Variants in NAA60 observed in about 807,000 individuals in gnomAD.
NAA60 encodes the protein N-alpha-acetyltransferase 60, NatF catalytic subunit.
In NAA60, 8 loss-of-function variants were observed where a neutral mutation model predicts 26.1. That is an observed-to-expected ratio of 0.31 (90% confidence interval 0.18 to 0.55). NAA60 has a LOEUF of 0.55. NAA60 is among the 20% of genes least tolerant of loss of function. The pLI is 0.93. For missense variants in NAA60, 290 were observed against 311.3 expected, an observed-to-expected ratio of 0.93 and a Z score of 0.51; for synonymous variants, 131 against 122.5, an observed-to-expected ratio of 1.07 and a Z score of -0.46.
At position 3,476,349 on chromosome 16, in the gene NAA60, G is replaced by A. The variant is rs376649126; in HGVS notation, c.110+12G>A. The A allele has an allele frequency of 3.4e-5, 55 of 1,609,046 alleles. No homozygotes were observed. In the Admixed American group the frequency reaches 4.5e-4, roughly 13 times the overall value. On this transcript the variant is annotated intron_variant, in intron 3 of 7. Transcript: ENST00000407558. ...TGGTTCCCCATCGAGTAAGTGGAGC[G>A]GATTGCAGGGTTGGGGAGAGCCCGT...
chr16:3,473,454 C>T (rs969913653), intron 2 of NAA60, among the ~76,000 whole-genome samples: 8 of 152,148 alleles, frequency 5.3e-5, no homozygotes, highest in Admixed American at 4.6e-4. Context: ...TTATTCACTA[C>T]CACAAGAACA....
At chr16:3,463,010 G>C (rs2035509736) in intron 2 of NAA60, among the ~76,000 whole-genome samples, 1 of 152,170 alleles carries the variant, frequency 6.6e-6, no homozygotes, top group African/African-American at 2.4e-5. Context: ...AATACAGGCT[G>C]CTTGGCCTCC....
intron 4 of NAA60, among the ~76,000 whole-genome samples, chr16:3,481,573 C>T (rs2036839463): frequency 6.6e-6 from 1 of 152,188 alleles, no homozygotes; most frequent in African/African-American, 2.4e-5. Flanking sequence ...CATGGGGACC[C>T]TTTGGCTCAT....
intron 2 of NAA60, chr16:3,457,889 T>A: frequency 9.9e-6 from 8 of 807,440 alleles, no homozygotes; most frequent in Non-Finnish European, 1.2e-5. Context: ...ATCCTGGGCC[T>A]GGCTTCGCAC....
intron 2 of NAA60, among the ~76,000 whole-genome samples, chr16:3,451,683 C>A (rs1417678490): frequency 6.6e-6 from 1 of 151,774 alleles, no homozygotes; most frequent in Non-Finnish European, 1.5e-5. Flanking sequence ...TTTGGGAGGC[C>A]AAGGTGGGTG....
At chr16:3,447,290 G>T (rs910046542) in intron 1 of NAA60, among the ~76,000 whole-genome samples, 1 of 152,206 alleles carries the variant, frequency 6.6e-6, no homozygotes, top group African/African-American at 2.4e-5. Context: ...CGTTAAAATG[G>T]TAGTGGTAGT....
chr16:3,454,139 G>T (rs2034887769), intron 2 of NAA60, among the ~76,000 whole-genome samples: 1 of 152,250 alleles, frequency 6.6e-6, no homozygotes, highest in African/African-American at 2.4e-5. Context: ...GGCTGACCGT[G>T]TAGATGGTAG....
intron 2 of NAA60, among the ~76,000 whole-genome samples, chr16:3,462,377 T>A (rs1010277565): frequency 6.6e-6 from 1 of 152,112 alleles, no homozygotes; most frequent in African/African-American, 2.4e-5. Flanking sequence ...TGTTCATGGG[T>A]GTTCTATTGA....
At position 3,477,615 on chromosome 16, in the gene NAA60, A is replaced by G. The variant is rs1427721041; in HGVS notation, c.110+1278A>G. Among the ~76,000 whole-genome samples the G allele has an allele frequency of 1.4e-5, 2 of 145,706 alleles. 1 individual carries two copies. Among genetic ancestry groups the G allele is most frequent in the Admixed American group, 1.4e-4 (2 of 13,814 alleles). On this transcript the variant is annotated intron_variant, in intron 3 of 7. Coordinates refer to ENST00000407558, the MANE Select transcript of NAA60 (RefSeq NM_001083601.3). ...CAGGAGTTCGAGACCAGCCTGGCCA[A>G]CATGGTGAAACCTCATCTCTATTAA...
chr16:3,482,025 G>C (rs755704422), intron 4 of NAA60, among the ~76,000 whole-genome samples: 1 of 152,162 alleles, frequency 6.6e-6, no homozygotes, highest in Non-Finnish European at 1.5e-5. Context: ...GAAGGGGTTG[G>C]ACGGCCGCCC....
intron 2 of NAA60, among the ~76,000 whole-genome samples, chr16:3,475,795 G>C (rs1007411202): frequency 4.6e-5 from 7 of 152,222 alleles, no homozygotes; most frequent in Non-Finnish European, 8.8e-5. Context: ...TGCTTTGAAG[G>C]GGGATGAGGC....
chr16:3,483,625 C>A, intron 6 of NAA60, 28 bp downstream of exon 6: 1 of 1,543,632 alleles, frequency 6.5e-7, no homozygotes, highest in Non-Finnish European at 8.9e-7. Context: ...GGGAGAGGGA[C>A]TGTGGCTTCC....
At chr16:3,461,260 G>T (rs1036648638) in intron 2 of NAA60, among the ~76,000 whole-genome samples, 3 of 152,132 alleles carry the variant, frequency 2.0e-5, no homozygotes, top group African/African-American at 7.2e-5. Flanking sequence ...ATAGGAAGGG[G>T]GTCTGAACCG....
chr16:3,445,763 T>C (rs2034526424), intron 1 of NAA60, among the ~76,000 whole-genome samples: 1 of 152,040 alleles, frequency 6.6e-6, no homozygotes, highest in Non-Finnish European at 1.5e-5. Flanking sequence ...ATTAACTCAG[T>C]GGATTACCAG....
At chr16:3,473,581 C>T (rs921607154) in intron 2 of NAA60, among the ~76,000 whole-genome samples, 1 of 152,104 alleles carries the variant, frequency 6.6e-6, no homozygotes, top group African/African-American at 2.4e-5. Flanking sequence ...AGAGCCAAAC[C>T]ATATCATAGT....
intron 2 of NAA60, among the ~76,000 whole-genome samples, chr16:3,454,906 A>G (rs1183002647): frequency 4.6e-5 from 7 of 152,204 alleles, no homozygotes; most frequent in South Asian, 2.1e-4. Flanking sequence ...TTAGTGTACA[A>G]ATAACCTTGA....
chr16:3,478,137 G>T (rs4786423), intron 3 of NAA60, among the ~76,000 whole-genome samples: 9,270 of 152,124 alleles, frequency 0.061, 366 homozygotes, highest in Middle Eastern at 0.085. Flanking sequence ...TCGGGAGGCT[G>T]AGGCAGGAGA....
intron 2 of NAA60, chr16:3,456,923 G>A (rs2035024397): frequency 6.6e-6 from 1 of 152,170 alleles, no homozygotes; most frequent in African/African-American, 2.4e-5. Context: ...CCAGGTAGGT[G>A]GGATTATGGG....
chr16:3,452,770 C>T (rs546973527), intron 2 of NAA60, among the ~76,000 whole-genome samples: 11 of 151,914 alleles, frequency 7.2e-5, no homozygotes, highest in Admixed American at 3.9e-4. Flanking sequence ...GCCTGGGCAA[C>T]ATAGTGAGAC....
Sources: allele counts gnomAD v4.1 joint callset (sites outside exome capture counted in the v4.1 genomes callset), GRCh38; gene constraint gnomAD v4.1.1; transcripts MANE v1.5; gene names NCBI Gene and HGNC (gene_info 2026-07-23, HGNC 2026-07-21).